SPATA16: variants seen among roughly 807,000 people sequenced by gnomAD.
SPATA16 encodes the protein spermatogenesis associated 16, also known as spermatogenesis-associated protein 16.
In SPATA16, 36 loss-of-function variants were observed where a neutral mutation model predicts 63.3. The observed-to-expected ratio is 0.57, with a 90% CI of 0.44 to 0.75. The LOEUF (loss-of-function observed/expected upper bound fraction) is 0.75, where lower values mean the gene tolerates loss of function less well. Ranked by LOEUF, SPATA16 falls within the 30% of genes least tolerant of loss-of-function variation. The probability of loss-of-function intolerance (pLI) is 0.00; values close to 1 mark genes in which losing one functional copy is unlikely to be tolerated. For missense variants in SPATA16, 646 were observed against 679.3 expected (o/e 0.95, Z 0.54); for synonymous variants, 203 against 216.7 (o/e 0.94, Z 0.56).
chr3:173,115,590 A>G (rs1737873492), intron 2 of SPATA16, among the ~76,000 whole-genome samples: 1 of 152,134 alleles, frequency 6.6e-6, no homozygotes, highest in African/African-American at 2.4e-5. Flanking sequence ...CACTTCCCTT[A>G]TTTGTGTAGA....
At position 173,097,228 on chromosome 3, in the gene SPATA16, G is replaced by C. The variant is rs1002974036; in HGVS notation, c.612+19892C>G. On this transcript the variant is annotated intron_variant, in intron 2 of 10. Coordinates refer to ENST00000351008, the MANE Select transcript of SPATA16 (RefSeq NM_031955.6). ...AGCCTTCTTGCTTATCAGATTGACT[G>C]TCCAGGCATACAGAGCTTCTGTTTA... Among the ~76,000 whole-genome samples the C allele has an allele frequency of 2.6e-5, 4 of 152,196 alleles. No homozygotes were observed. The South Asian group carries it at 8.3e-4, about 32-fold the overall frequency.
intron 3 of SPATA16, among the ~76,000 whole-genome samples, chr3:173,022,548 T>C (rs2108278328): frequency 6.6e-6 from 1 of 152,320 alleles, no homozygotes; most frequent in South Asian, 2.1e-4. Context: ...GCCTAGCTTT[T>C]ATACTTTTAT....
At chr3:172,923,541 T>A (rs1732661071) in intron 8 of SPATA16, among the ~76,000 whole-genome samples, 1 of 152,130 alleles carries the variant, frequency 6.6e-6, no homozygotes, top group Admixed American at 6.5e-5. Flanking sequence ...TTGAAAAATA[T>A]TAAAAAAGGA....
At chr3:173,042,003 A>G (rs1333788411) in intron 3 of SPATA16, among the ~76,000 whole-genome samples, 1 of 152,158 alleles carries the variant, frequency 6.6e-6, no homozygotes, top group African/African-American at 2.4e-5. Flanking sequence ...ATTTCTTGAT[A>G]TCTGCAAGAA....
At chr3:173,006,664 A>G (rs919632268) in intron 4 of SPATA16, among the ~76,000 whole-genome samples, 5 of 152,188 alleles carry the variant, frequency 3.3e-5, no homozygotes, top group African/African-American at 1.2e-4. Context: ...AAGCTGACAC[A>G]GTTTCTCCCC....
chr3:172,921,911 C>T (rs960739806), intron 8 of SPATA16, among the ~76,000 whole-genome samples: 2 of 152,138 alleles, frequency 1.3e-5, no homozygotes, highest in African/African-American at 2.4e-5. Context: ...TTTGTCTACA[C>T]GTATCACAAA....
chr3:173,048,824 G>T, intron 3 of SPATA16, 125 bp downstream of exon 3: 1 of 1,229,382 alleles, frequency 8.1e-7, no homozygotes, highest in Non-Finnish European at 1.2e-6. Context: ...CATAAAACAA[G>T]CAGTAAATAA....
chr3:173,138,016 A>G (rs565069308), intron 1 of SPATA16, among the ~76,000 whole-genome samples: 1 of 152,196 alleles, frequency 6.6e-6, no homozygotes, highest in East Asian at 1.9e-4. Context: ...GAAGTGATTT[A>G]TATCATGTTT....
chr3:173,062,262 G>C lies in SPATA16; in HGVS notation c.613-13168C>G, dbSNP rs142576084. On this transcript the variant is annotated intron_variant, in intron 2 of 10. Coordinates refer to ENST00000351008, the MANE Select transcript of SPATA16 (RefSeq NM_031955.6). ...AAAGCAGATTGGAAATATGACAGGA[G>C]TGAGATGAATTAAAATAATAAACCT... is the stretch of plus-strand genomic sequence containing the variant. 3.0e-3 allele frequency among the ~76,000 whole-genome samples: 456 copies of C among 152,224 alleles called. 4 individuals are homozygous for C. Among genetic ancestry groups the C allele is most frequent in the African/African-American group, 0.01 (426 of 41,536 alleles).
rs556393025 is a variant in SPATA16 at position 172,946,436 on chromosome 3, C to T, written c.1081+10241G>A. On this transcript the variant is annotated intron_variant, in intron 6 of 10. Coordinates refer to ENST00000351008, the MANE Select transcript of SPATA16 (RefSeq NM_031955.6). ...GGCTACTAGACAGTATTTCTGGATCCGCCCTGGGCCAAAGGGAAGCCTCCT... is the reference window on the plus strand; with the variant it reads ...GGCTACTAGACAGTATTTCTGGATCTGCCCTGGGCCAAAGGGAAGCCTCCT... 3.0e-3 allele frequency among the ~76,000 whole-genome samples: 205 copies of T among 68,976 alleles called. 1 individual carries two copies. The highest frequency in any genetic ancestry group is 0.011 in the African/African-American group (197 of 17,654). 45.3% of individuals were successfully genotyped at this position (68,976 alleles called of 152,430 possible).
chr3:173,109,279 G>A (rs910417775), intron 2 of SPATA16, among the ~76,000 whole-genome samples: 1 of 152,042 alleles, frequency 6.6e-6, no homozygotes, highest in African/African-American at 2.4e-5. Flanking sequence ...TGTTATGGGG[G>A]CTGCATACAA....
chr3:173,123,634 C>T (rs763731751), intron 1 of SPATA16, among the ~76,000 whole-genome samples: 93 of 148,802 alleles, frequency 6.2e-4, no homozygotes, highest in Admixed American at 9.3e-4. Context: ...ACAGAGTTTC[C>T]CTCTTATCAC....
At chr3:173,133,500 C>T (rs1267814261) in intron 1 of SPATA16, among the ~76,000 whole-genome samples, 2 of 152,090 alleles carry the variant, frequency 1.3e-5, no homozygotes, top group Non-Finnish European at 2.9e-5. Context: ...GTGACTTCCC[C>T]CGGCCACACT....
At chr3:172,894,090 T>TG (rs1280100287) in intron 10 of SPATA16, among the ~76,000 whole-genome samples, 2 of 152,178 alleles carry the variant, frequency 1.3e-5, no homozygotes, top group Non-Finnish European at 2.9e-5. Flanking sequence ...ATTAGCAGTT[T>TG]GGACCAAAAT....
intron 4 of SPATA16, among the ~76,000 whole-genome samples, chr3:172,988,676 C>A (rs1734508119): frequency 6.6e-6 from 1 of 152,170 alleles, no homozygotes; most frequent in African/African-American, 2.4e-5. Context: ...GAGTTTCACT[C>A]ATATCACCTA....
chr3:173,137,720 C>T (rs1738584976), intron 1 of SPATA16, among the ~76,000 whole-genome samples: 1 of 151,712 alleles, frequency 6.6e-6, no homozygotes, highest in African/African-American at 2.4e-5. Flanking sequence ...TTTTGAAAGC[C>T]TTTAATTAAG....
At chr3:172,893,442 C>T (rs538186924) in intron 10 of SPATA16, among the ~76,000 whole-genome samples, 21 of 152,320 alleles carry the variant, frequency 1.4e-4, no homozygotes, top group South Asian at 4.1e-4. Flanking sequence ...ACAGTTTCTT[C>T]TGCACAGCCC....
chr3:173,014,414 T>A (rs1735134935), intron 4 of SPATA16, among the ~76,000 whole-genome samples: 1 of 152,100 alleles, frequency 6.6e-6, no homozygotes, highest in Non-Finnish European at 1.5e-5. Context: ...ATGGAAACAA[T>A]AAACATTGGG....
chr3:173,014,024 C>G (rs1735127228), intron 4 of SPATA16, among the ~76,000 whole-genome samples: 1 of 152,078 alleles, frequency 6.6e-6, no homozygotes, highest in Admixed American at 6.5e-5. Flanking sequence ...TCTTTAATTT[C>G]CCGCCTCAAA....
Sources: gnomAD v4.1 joint callset for allele counts (sites outside exome capture counted in the v4.1 genomes callset) on GRCh38, gnomAD v4.1.1 for gene constraint, MANE v1.5 for transcripts, NCBI Gene and HGNC (gene_info 2026-07-23, HGNC 2026-07-21) for gene names.